The following RAPGEF6 variants were observed in gnomAD, a reference collection of about 807,000 sequenced individuals.
RAPGEF6 encodes the protein PDZ domain containing guanine nucleotide exchange factor (GEF) 2.
In RAPGEF6, 56 loss-of-function variants were observed where a neutral mutation model predicts 171.4. The ratio of observed to expected loss-of-function variants is 0.33; its 90% CI spans 0.26 to 0.41. RAPGEF6 has a LOEUF of 0.41. RAPGEF6 is among the 10% of genes least tolerant of loss of function. RAPGEF6 has a pLI of 1.00. For synonymous variants in RAPGEF6, 692 were observed against 650.1 expected, an observed-to-expected ratio of 1.06 and a Z score of -0.98; for missense variants, 1,674 against 1,921.4, an observed-to-expected ratio of 0.87 and a Z score of 2.41.
intron 11 of RAPGEF6, among the ~76,000 whole-genome samples, chr5:131,499,565 G>C (rs1580923453): frequency 8.6e-6 from 1 of 116,796 alleles, no homozygotes; most frequent in South Asian, 3.0e-4. Flanking sequence ...GGGGCGACAA[G>C]AGCGAGACTT....
rs142899555 is a variant in RAPGEF6, at chr5:131,582,994, C to T, written c.281+9389G>A. Among the ~76,000 whole-genome samples, 8 of 152,328 alleles carry T rather than the reference C, an allele frequency of 5.3e-5. No homozygotes were observed. The East Asian group carries it at 1.5e-3, about 29-fold the overall frequency. ...TACAAAATCTAGCCATCTACTCCTA[C>T]ATATTATGCAGAGAGATGAAAGTAT... On this transcript the variant is annotated intron_variant, in intron 4 of 27. Transcript: ENST00000509018.
Position 131,610,998 on chromosome 5 carries a change from A to G in RAPGEF6, c.70-6305T>C, listed in dbSNP as rs565155750. ...GCTTCCCATGCGATACTCCCAATCA[A>G]TAACTGAGCCTGGTAAAAATACTAA... On this transcript the variant is annotated intron_variant, in intron 1 of 27. Transcript: ENST00000509018. Among the ~76,000 whole-genome samples the G allele has an allele frequency of 7.9e-5, 12 of 152,338 alleles. 1 individual carries two copies. The highest frequency in any genetic ancestry group is 6.8e-3 in the Middle Eastern group (2 of 294).
chr5:131,594,387 C>T (rs971079311), intron 3 of RAPGEF6, among the ~76,000 whole-genome samples: 1 of 152,236 alleles, frequency 6.6e-6, no homozygotes, highest in African/African-American at 2.4e-5. Context: ...TTGGGAATCT[C>T]TGCCCAGATT....
chr5:131,591,631 T>C (rs769864898), intron 4 of RAPGEF6, among the ~76,000 whole-genome samples: 14 of 152,210 alleles, frequency 9.2e-5, no homozygotes, highest in Non-Finnish European at 2.1e-4. Flanking sequence ...AGTAGTTTCC[T>C]AACACCTCAT....
chr5:131,509,290 T>A (rs1757562415), intron 8 of RAPGEF6, among the ~76,000 whole-genome samples: 1 of 152,136 alleles, frequency 6.6e-6, no homozygotes, highest in Non-Finnish European at 1.5e-5. Context: ...ACACCTGTAA[T>A]CCCAGCACTT....
In RAPGEF6 at chr5:131,455,835, AG is replaced by A; in HGVS notation, c.3041del (p.Pro1014LeufsTer7). 1 of 1,613,588 alleles carries A rather than the reference AG, an allele frequency of 6.2e-7. No homozygotes were observed. Among genetic ancestry groups the A allele is most frequent in the Non-Finnish European group, 8.5e-7 (1 of 1,179,590 alleles). ...SMQPPIIPLF[P>X]VVKKDMTFLH... ...GAAATGTCATATCTTTCTTGACAAC[AG>A]GGAAGAGTGGAATAATTGGAGGCTG... is the stretch of plus-strand genomic sequence containing the variant. On this transcript the variant is annotated frameshift_variant, in exon 20 of 28. Transcript: ENST00000509018. LOFTEE classifies it high-confidence loss of function.
chr5:131,490,266 G>C (rs1392167569), intron 14 of RAPGEF6, among the ~76,000 whole-genome samples: 1 of 151,788 alleles, frequency 6.6e-6, no homozygotes, highest in Non-Finnish European at 1.5e-5. Context: ...AGGATAAAAA[G>C]ATATAATGAG....
chr5:131,447,827 A>G (rs938118431), intron 21 of RAPGEF6, among the ~76,000 whole-genome samples: 1 of 152,170 alleles, frequency 6.6e-6, no homozygotes, highest in Admixed American at 6.5e-5. Context: ...GATCTTTCCA[A>G]TAGGGGTATA....
rs1756800573 is a variant in RAPGEF6, at chr5:131,498,621, G to A, written c.1255-14C>T. 1.2e-6 allele frequency: 2 copies of A among 1,606,506 alleles called. No homozygotes were observed. Among genetic ancestry groups the A allele is most frequent in the Non-Finnish European group, 1.7e-6 (2 of 1,176,796 alleles). On this transcript the variant is annotated splice_polypyrimidine_tract_variant and intron_variant, in intron 11 of 27. Coordinates refer to ENST00000509018, the MANE Select transcript of RAPGEF6 (RefSeq NM_016340.6). ...CTCAGGTGTTGCCTAAAAATCCAAG[G>A]ATAGGAAGGATTAGAAAATAAACAA... is the stretch of plus-strand genomic sequence containing the variant.
At position 131,503,005 on chromosome 5, in the gene RAPGEF6, G is replaced by T. The variant is rs1056251343; in HGVS notation, c.1254+1621C>A. On this transcript the variant is annotated intron_variant, in intron 11 of 27. Transcript: ENST00000509018. ...TTTAGTAGAAATAGGGTTTCACCAT[G>T]TTGGCCAGGCTGGTCTCGAACTCCT... Among the ~76,000 whole-genome samples the T allele has an allele frequency of 5.3e-5, 8 of 152,268 alleles. No homozygotes were observed. The South Asian group carries it at 8.3e-4, about 16-fold the overall frequency.
intron 25 of RAPGEF6, among the ~76,000 whole-genome samples, chr5:131,432,264 T>C (rs958516963): frequency 6.6e-6 from 1 of 152,182 alleles, no homozygotes; most frequent in Non-Finnish European, 1.5e-5. Context: ...TACAGTATAG[T>C]GCAGGGGGTA....
chr5:131,562,150 T>C (rs1234752011), intron 4 of RAPGEF6, 103 bp from the exon 5 acceptor site: 1 of 703,992 alleles, frequency 1.4e-6, no homozygotes, highest in African/African-American at 1.9e-5. Context: ...TGAGATATTA[T>C]CCAAGAAATT....
intron 4 of RAPGEF6, among the ~76,000 whole-genome samples, chr5:131,585,432 C>T (rs1324567810): frequency 8.5e-5 from 13 of 152,260 alleles, no homozygotes; most frequent in African/African-American, 2.2e-4. Context: ...TAGGGCAAAG[C>T]TGCCTCCCAT....
At chr5:131,570,750 ACTCT>A (rs1474128712) in intron 4 of RAPGEF6, among the ~76,000 whole-genome samples, 2 of 152,090 alleles carry the variant, frequency 1.3e-5, no homozygotes, top group African/African-American at 4.8e-5. Context: ...TAAGTAAAAT[ACTCT>A]CTCTATATGT....
At chr5:131,547,539 T>G (rs1316646727) in intron 6 of RAPGEF6, among the ~76,000 whole-genome samples, 1 of 151,578 alleles carries the variant, frequency 6.6e-6, no homozygotes, top group Non-Finnish European at 1.5e-5. Context: ...AACAGAGTTT[T>G]GCTCTTGTCG....
intron 4 of RAPGEF6, among the ~76,000 whole-genome samples, chr5:131,563,299 T>C (rs1761722723): frequency 1.3e-5 from 2 of 152,000 alleles, no homozygotes; most frequent in Non-Finnish European, 2.9e-5. Context: ...AATAAATAAA[T>C]AAGTCATTTA....
chr5:131,437,363 C>G lies in RAPGEF6; in HGVS notation c.3745+2218G>C, dbSNP rs536781301. On this transcript the variant is annotated intron_variant, in intron 24 of 27. Coordinates refer to ENST00000509018, the MANE Select transcript of RAPGEF6 (RefSeq NM_016340.6). ...ATGGAGGAATTCCTGTTTCTAATAC[C>G]ACTTTCCAGAAGTCACATTCAGGCA... is the stretch of plus-strand genomic sequence containing the variant. 6.9e-4 allele frequency among the ~76,000 whole-genome samples: 105 copies of G among 152,238 alleles called. 3 individuals are homozygous for G. The East Asian group carries it at 0.019, about 27-fold the overall frequency.
Position 131,508,702 on chromosome 5 carries a change from T to C in RAPGEF6, c.806-495A>G, listed in dbSNP as rs141532366. Among the ~76,000 whole-genome samples the C allele has an allele frequency of 7.2e-5, 11 of 152,360 alleles. No homozygotes were observed. In the East Asian group the frequency reaches 2.1e-3, roughly 29 times the overall value. On this transcript the variant is annotated intron_variant, in intron 8 of 27. Transcript: ENST00000509018. ...GGTAACTCTCTTTAACTAACAAATG[T>C]TTATGAGTGCCTCAGGCCACTCCCT...
chr5:131,631,084 T>C (rs1766276746), intron 1 of RAPGEF6, among the ~76,000 whole-genome samples: 2 of 152,230 alleles, frequency 1.3e-5, no homozygotes, highest in Admixed American at 6.5e-5. Flanking sequence ...TCATGTCCCA[T>C]GGTACTCACT....
Sources: gnomAD v4.1 joint callset for allele counts (sites outside exome capture counted in the v4.1 genomes callset) on GRCh38, gnomAD v4.1.1 for gene constraint, MANE v1.5 for transcripts, NCBI Gene and HGNC (gene_info 2026-07-23, HGNC 2026-07-21) for gene names.